CABP1: variants seen among roughly 807,000 people sequenced by gnomAD.
The protein encoded by CABP1 is calcium binding protein 1, also known as calcium-binding protein 1.
Under a neutral mutation model 34.3 loss-of-function variants are expected in CABP1, and 17 were observed. The observed-to-expected ratio is 0.50, with a 90% CI of 0.34 to 0.74. The LOEUF is 0.74. CABP1 is among the 30% of genes least tolerant of loss of function. The pLI is 0.01. For synonymous variants in CABP1, 198 were observed against 229.2 expected (o/e 0.86, Z 1.23); for missense variants, 373 against 511.1 (o/e 0.73, Z 2.61).
intron 1 of CABP1, among the ~76,000 whole-genome samples, chr12:120,655,053 G>A (rs754974350): frequency 2.0e-5 from 3 of 152,194 alleles, no homozygotes; most frequent in Non-Finnish European, 4.4e-5. Flanking sequence ...CTACAGATGT[G>A]CCTTGTGTGG....
chr12:120,660,860 A>G lies in CABP1; in HGVS notation c.939+20A>G. The G allele has an allele frequency of 1.3e-6, 2 of 1,565,312 alleles. No homozygotes were observed. Among genetic ancestry groups the G allele is most frequent in the Non-Finnish European group, 1.8e-6 (2 of 1,135,466 alleles). On this transcript the variant is annotated intron_variant, in intron 4 of 5. Coordinates refer to ENST00000316803, the MANE Select transcript of CABP1 (RefSeq NM_001033677.2). This position sits in a 1 kb window ranked among gnomAD's most constrained non-coding sequence, Gnocchi z 5.0. Reference sequence around the variant, plus strand: ...CGAGAGGTAACGGACAGAGGCAGGCAGGCATGGGGCGGCTATTGGAATCCT... The same window carrying G: ...CGAGAGGTAACGGACAGAGGCAGGCGGGCATGGGGCGGCTATTGGAATCCT...
the CABP1 span, among the ~76,000 whole-genome samples, chr12:120,675,619 T>C: frequency 8.5e-5 from 13 of 152,358 alleles, no homozygotes; most frequent in African/African-American, 2.9e-4. Flanking sequence ...AGAGCACACA[T>C]GAAATCTCTG....
chr12:120,649,338 GGGA>G (rs1183792974), intron 1 of CABP1, among the ~76,000 whole-genome samples: 3 of 152,206 alleles, frequency 2.0e-5, no homozygotes, highest in South Asian at 2.1e-4. Context: ...GAATGGGCTT[GGGA>G]GGAGTTCTGC....
intron 5 of CABP1, among the ~76,000 whole-genome samples, chr12:120,662,996 T>C (rs1455018512): frequency 6.6e-6 from 1 of 152,108 alleles, no homozygotes; most frequent in Non-Finnish European, 1.5e-5. Flanking sequence ...ATCCTGTTTT[T>C]TACTTGGGCT....
chr12:120,645,605 G>A (rs1879509174), intron 1 of CABP1, among the ~76,000 whole-genome samples: 1 of 152,140 alleles, frequency 6.6e-6, no homozygotes, highest in Non-Finnish European at 1.5e-5. Flanking sequence ...CAAGGTGGGT[G>A]GATCACTTGA....
chr12:120,674,705 T>G, the CABP1 span, among the ~76,000 whole-genome samples: 1 of 152,214 alleles, frequency 6.6e-6, no homozygotes, highest in South Asian at 2.1e-4. Flanking sequence ...CTGGCCAACA[T>G]GGTGAAACCC....
At chr12:120,655,701 A>G (rs1428604769) in intron 1 of CABP1, 2 of 1,428,054 alleles carry the variant, frequency 1.4e-6, no homozygotes, top group Non-Finnish European at 1.8e-6. Flanking sequence ...ATTTTGGGAA[A>G]GGATGTTGTC....
At chr12:120,665,937 G>A (rs1459422316) in intron 5 of CABP1, among the ~76,000 whole-genome samples, 1 of 150,850 alleles carries the variant, frequency 6.6e-6, no homozygotes, top group Non-Finnish European at 1.5e-5. Flanking sequence ...AGAATGGCGT[G>A]AACCCGGGAG....
chr12:120,646,087 T>G (rs1300764722), intron 1 of CABP1, among the ~76,000 whole-genome samples: 1 of 152,182 alleles, frequency 6.6e-6, no homozygotes, highest in African/African-American at 2.4e-5. Flanking sequence ...AGGACTGTGC[T>G]GAGAATTGTG....
At chr12:120,656,838 T>G (rs879865286) in intron 1 of CABP1, among the ~76,000 whole-genome samples, 6 of 152,170 alleles carry the variant, frequency 3.9e-5, no homozygotes, top group Non-Finnish European at 5.9e-5. Flanking sequence ...GAGGTTGCAG[T>G]GAGCCAAGGT....
Position 120,660,094 on chromosome 12 carries a change from T to C in CABP1, c.686-102T>C. ...ATGCCCCAGCATCCTGGGAAGCTCC[T>C]GGGCCTCTCTTTCCATGCCGGTGGG... On this transcript the variant is annotated intron_variant, in intron 2 of 5. Coordinates refer to ENST00000316803, the MANE Select transcript of CABP1 (RefSeq NM_001033677.2). The surrounding 1 kb of genome is among the most constrained non-coding windows in gnomAD (Gnocchi z 5.0). The C allele has an allele frequency of 7.4e-6, 11 of 1,479,446 alleles. No individual in the cohort carries two copies. Among genetic ancestry groups the C allele is most frequent in the Non-Finnish European group, 9.3e-6 (10 of 1,078,576 alleles). The allele number at this position is 1,479,446 out of a possible 1,614,324, so 91.6% of individuals were successfully genotyped here.
the CABP1 span, among the ~76,000 whole-genome samples, chr12:120,679,082 A>AAC: frequency 9.2e-5 from 14 of 151,642 alleles, no homozygotes; most frequent in Admixed American, 4.6e-4. Flanking sequence ...CCAAAAAAAA[A>AAC]AAAAAAAAAA....
chr12:120,640,976 T>C lies in CABP1; in HGVS notation c.291T>C (p.Pro97=). Residue 97 remains proline (P), a synonymous_variant, in exon 1 of 6, where the codon CCT becomes CCC. Transcript: ENST00000316803. This position sits in a 1 kb window ranked among gnomAD's most constrained non-coding sequence, Gnocchi z 6.2. ...GCCCTGCCCGGGACCCGGGGCTGCC[T>C]AGCCGCCGGCTACCCGGCTCCTGCC... The part of the protein sequence containing the change: ...RHGPARDPGL[P]SRRLPGSCPA... 1 of 1,150,060 alleles carries C rather than the reference T, an allele frequency of 8.7e-7. No homozygotes were observed. The highest frequency in any genetic ancestry group is 1.1e-6 in the Non-Finnish European group (1 of 935,876). The allele number at this position is 1,150,060 out of a possible 1,614,324, so 71.2% of individuals were successfully genotyped here.
chr12:120,641,138 C>T lies in CABP1; in HGVS notation c.453C>T (p.Ala151=). 1 of 1,233,406 alleles carries T rather than the reference C, an allele frequency of 8.1e-7. No individual in the cohort carries two copies. The highest frequency in any genetic ancestry group is 1.0e-6 in the Non-Finnish European group (1 of 990,588). 76.4% of individuals were successfully genotyped at this position (1,233,406 alleles called of 1,614,324 possible). The change falls in exon 1 of 6, where the codon GCC becomes GCT. Residue 151 remains alanine, a synonymous_variant. Transcript: ENST00000316803. The surrounding 1 kb of genome is among the most constrained non-coding windows in gnomAD (Gnocchi z 6.7). ...GCAGGCCCCGGGAGGCGCTGCCGGCCGCGGCGTCCCGACCTTCGCCGTCGT... is the reference window on the plus strand; with the variant it reads ...GCAGGCCCCGGGAGGCGCTGCCGGCTGCGGCGTCCCGACCTTCGCCGTCGT... ...AHCRPREALP[A]AASRPSPSSP... is the part of the protein sequence containing the mutation.
chr12:120,655,762 G>A (rs930291591), intron 1 of CABP1: 105 of 1,476,304 alleles, frequency 7.1e-5, no homozygotes, highest in Admixed American at 1.1e-4. Flanking sequence ...GAAGCCCCCC[G>A]CTGCCCCTGT....
intron 1 of CABP1, among the ~76,000 whole-genome samples, chr12:120,642,554 G>T (rs371788172): frequency 6.6e-6 from 1 of 152,214 alleles, no homozygotes; most frequent in Non-Finnish European, 1.5e-5. Flanking sequence ...CTTTGTTCCT[G>T]CAGGGAGCCC....
At chr12:120,669,006 A>T (rs1277367854), downstream of CABP1, among the ~76,000 whole-genome samples, 1 of 152,102 alleles carries the variant, frequency 6.6e-6, no homozygotes, top group Non-Finnish European at 1.5e-5. Context: ...TGATGCTGCC[A>T]GTCCATGGAC....
chr12:120,645,260 C>T (rs968099323), intron 1 of CABP1, among the ~76,000 whole-genome samples: 4 of 152,138 alleles, frequency 2.6e-5, no homozygotes, highest in Non-Finnish European at 5.9e-5. Context: ...CTTGGAGCCC[C>T]TATAGGCTTT....
chr12:120,670,514 G>A (rs935736130), downstream of CABP1, among the ~76,000 whole-genome samples: 1 of 152,220 alleles, frequency 6.6e-6, no homozygotes, highest in Non-Finnish European at 1.5e-5. Flanking sequence ...TTGGGAGGCC[G>A]AGATGGGTGG....
Sources: gnomAD v4.1 joint callset for allele counts (sites outside exome capture counted in the v4.1 genomes callset) on GRCh38, gnomAD v4.1.1 for gene constraint, Gnocchi (gnomAD v3.1) non-coding constraint, MANE v1.5 for transcripts, NCBI Gene and HGNC (gene_info 2026-07-23, HGNC 2026-07-21) for gene names.